Variants in ARMC2 observed in about 807,000 individuals in gnomAD.
The protein encoded by ARMC2 is armadillo repeat containing 2.
ARMC2 carries 67 observed loss-of-function variants against 90.3 expected under a neutral mutation model. That is an observed-to-expected ratio of 0.74 (90% CI 0.61 to 0.91). The LOEUF (loss-of-function observed/expected upper bound fraction) is 0.91, where lower values mean the gene tolerates loss of function less well. ARMC2 is among the 40% of genes least tolerant of loss of function. The pLI, the probability that ARMC2 is intolerant of heterozygous loss-of-function variation, is 0.00. For missense variants in ARMC2, 920 were observed against 1,030.9 expected, an observed-to-expected ratio of 0.89 and a Z score of 1.47; for synonymous variants, 393 against 393.0, an observed-to-expected ratio of 1.00 and a Z score of 0.00.
intron 17 of ARMC2, among the ~76,000 whole-genome samples, chr6:108,970,850 A>G (rs564803074): frequency 6.6e-6 from 1 of 152,274 alleles, no homozygotes; most frequent in Admixed American, 6.5e-5. Flanking sequence ...TTTTATTTTT[A>G]TACAGCAGAA....
chr6:108,938,005 C>T (rs1362898209), intron 12 of ARMC2, among the ~76,000 whole-genome samples: 1 of 152,104 alleles, frequency 6.6e-6, no homozygotes, highest in African/African-American at 2.4e-5. Context: ...CGGCCACAGG[C>T]ATTAATTTTT....
intron 13 of ARMC2, among the ~76,000 whole-genome samples, chr6:108,958,937 C>G (rs1261592864): frequency 6.6e-6 from 1 of 152,228 alleles, no homozygotes; most frequent in East Asian, 1.9e-4. Context: ...AGGGTTCTGG[C>G]TCCAGAGTCC....
At chr6:108,909,559 G>A (rs1350674918) in intron 8 of ARMC2, among the ~76,000 whole-genome samples, 3 of 151,320 alleles carry the variant, frequency 2.0e-5, no homozygotes, top group African/African-American at 7.3e-5. Context: ...TTTTTGACAC[G>A]GGGTCTCACT....
At chr6:108,971,623 TA>T (rs1316766253) in intron 17 of ARMC2, among the ~76,000 whole-genome samples, 3 of 151,000 alleles carry the variant, frequency 2.0e-5, no homozygotes, top group African/African-American at 4.9e-5. Context: ...CATTGGCCCT[TA>T]AAAAAAAAGT....
At chr6:109,004,872 A>G in the ARMC2 span, among the ~76,000 whole-genome samples, 5 of 152,254 alleles carry the variant, frequency 3.3e-5, no homozygotes, top group Non-Finnish European at 5.9e-5. Context: ...CTTAAGATCA[A>G]AAAGTTTGAT....
At chr6:108,916,476 A>C (rs1773983636) in intron 10 of ARMC2, among the ~76,000 whole-genome samples, 1 of 152,256 alleles carries the variant, frequency 6.6e-6, no homozygotes, top group Admixed American at 6.5e-5. Context: ...CAAAGCGTGA[A>C]TAGCCCCAGG....
the ARMC2 span, chr6:109,001,566 C>T: frequency 1.4e-5 from 17 of 1,226,300 alleles, no homozygotes; most frequent in Admixed American, 3.6e-4. Flanking sequence ...GCGCTACACT[C>T]TAAGTATCAT....
chr6:109,045,072 C>T, the ARMC2 span, among the ~76,000 whole-genome samples: 2 of 152,030 alleles, frequency 1.3e-5, no homozygotes, highest in Non-Finnish European at 2.9e-5. Context: ...CATTGCACTA[C>T]GCTACCACCT....
chr6:108,958,431 T>C (rs917320281), intron 13 of ARMC2, among the ~76,000 whole-genome samples: 4 of 152,190 alleles, frequency 2.6e-5, no homozygotes, highest in African/African-American at 9.7e-5. Flanking sequence ...CTAGTGCTGT[T>C]TATGATAAAT....
chr6:108,973,287 T>C lies in ARMC2; in HGVS notation c.2447-70T>C, dbSNP rs569517362. On this transcript the variant is annotated intron_variant, in intron 17 of 17. Coordinates refer to ENST00000392644, the MANE Select transcript of ARMC2 (RefSeq NM_032131.6). ...CCCAGGGTGAGTTTAACTCATATCA[T>C]CAAAATTAAACTATATTCAATAGGA... 40 of 1,373,324 alleles carry C rather than the reference T, an allele frequency of 2.9e-5. No individual in the cohort carries two copies. In the East Asian group the frequency reaches 8.2e-4, roughly 28 times the overall value. The allele number at this position is 1,373,324 out of a possible 1,614,324, so 85.1% of individuals were successfully genotyped here. A position where few individuals can be genotyped will look rare whatever the true frequency, so the allele number is the denominator to read the frequency against.
the ARMC2 span, among the ~76,000 whole-genome samples, chr6:109,048,571 C>T: frequency 1.3e-5 from 2 of 152,156 alleles, no homozygotes; most frequent in Non-Finnish European, 2.9e-5. Flanking sequence ...GGACCTCTAA[C>T]CTCTGAGAGG....
At chr6:108,881,296 C>CCCTCCCCTTCCTTCCTTCCTT (rs1554239373) in intron 5 of ARMC2, among the ~76,000 whole-genome samples, 1 of 78,236 alleles carries the variant, frequency 1.3e-5, no homozygotes, top group African/African-American at 5.2e-5. Context: ...CCCTCCCCTC[C>CCCTCCCCTTCCTTCCTTCCTT]CCTTCCTTCC....
At chr6:108,962,169 C>T in intron 15 of ARMC2, 42 bp downstream of exon 15, 1 of 1,456,022 alleles carries the variant, frequency 6.9e-7, no homozygotes, top group East Asian at 2.4e-5. Context: ...TCACTTTTTG[C>T]CAATAATCAG....
At position 108,933,553 on chromosome 6, in the gene ARMC2, T is replaced by C. The variant is rs565540430; in HGVS notation, c.1497-3347T>C. Among the ~76,000 whole-genome samples, 3 of 152,330 alleles carry C rather than the reference T, an allele frequency of 2.0e-5. No homozygotes were observed. In the East Asian group the frequency reaches 5.8e-4, roughly 29 times the overall value. On this transcript the variant is annotated intron_variant, in intron 11 of 17. Coordinates refer to ENST00000392644, the MANE Select transcript of ARMC2 (RefSeq NM_032131.6). ...TCTGACTCTAAAGGAAATATTTTCA[T>C]GGTTACACCAGCTGAAAATAATATT...
At chr6:108,934,366 A>G (rs1299149118) in intron 11 of ARMC2, among the ~76,000 whole-genome samples, 1 of 152,206 alleles carries the variant, frequency 6.6e-6, no homozygotes, top group Non-Finnish European at 1.5e-5. Flanking sequence ...AAGTTTCTCA[A>G]GTTAAGCCAT....
the ARMC2 span, chr6:109,009,067 C>CT: frequency 1.1e-6 from 1 of 923,124 alleles, no homozygotes; most frequent in Non-Finnish European, 1.4e-6. Context: ...GTATTGGAGA[C>CT]TTTCATTTAC....
chr6:108,951,912 A>T (rs1274450296), intron 12 of ARMC2, among the ~76,000 whole-genome samples: 7 of 152,258 alleles, frequency 4.6e-5, no homozygotes, highest in African/African-American at 1.7e-4. Context: ...GCAAAGGAGG[A>T]GAAAAAGTAC....
At chr6:108,870,511 G>A (rs1237136486) in intron 4 of ARMC2, among the ~76,000 whole-genome samples, 1 of 147,136 alleles carries the variant, frequency 6.8e-6, no homozygotes, top group Admixed American at 6.8e-5. Context: ...GAGAGAGAAA[G>A]AGAGAGACAG....
intron 8 of ARMC2, chr6:108,907,698 C>A (rs113808378): frequency 1.9e-6 from 3 of 1,608,378 alleles, no homozygotes; most frequent in South Asian, 2.2e-5. Context: ...ACCATGGTAA[C>A]CCCCGAGATG....
Sources: allele counts gnomAD v4.1 joint callset (sites outside exome capture counted in the v4.1 genomes callset), GRCh38; gene constraint gnomAD v4.1.1; transcripts MANE v1.5; gene names NCBI Gene and HGNC (gene_info 2026-07-23, HGNC 2026-07-21).